TBCD: variants seen among roughly 807,000 people sequenced by gnomAD.
The protein encoded by TBCD is tubulin-specific chaperone D.
In TBCD, 105 loss-of-function variants were observed where a neutral mutation model predicts 169.3. The ratio of observed to expected loss-of-function variants is 0.62; its 90% CI spans 0.53 to 0.73. TBCD has a LOEUF of 0.73. Ranked by LOEUF, TBCD falls within the 30% of genes least tolerant of loss-of-function variation. The probability of loss-of-function intolerance (pLI) is 0.00; values close to 1 mark genes in which losing one functional copy is unlikely to be tolerated. For missense variants in TBCD, 1,444 were observed against 1,600.1 expected (o/e 0.90, Z 1.66); for synonymous variants, 700 against 643.9 (o/e 1.09, Z -1.32).
At chr17:82,752,913 G>A (rs905692473) in intron 1 of TBCD, among the ~76,000 whole-genome samples, 1 of 152,208 alleles carries the variant, frequency 6.6e-6, no homozygotes, top group African/African-American at 2.4e-5. Context: ...CAGCCTGTCC[G>A]TTCCGTGGAC....
chr17:82,935,637 C>G (rs2062561120), intron 34 of TBCD, among the ~76,000 whole-genome samples: 1 of 152,204 alleles, frequency 6.6e-6, no homozygotes, highest in South Asian at 2.1e-4. Flanking sequence ...CAGTTTTCAG[C>G]ATTTTGTCCT....
rs867277813 is a variant in TBCD, at chr17:82,820,122, C to T, written c.1318+5188C>T. On this transcript the variant is annotated intron_variant, in intron 13 of 38. Transcript: ENST00000355528. ...GCCTCCCGAGTAGCTGGGAGTCAGGCGCCCGCCACCATGCCCAGCCAATTT... is the reference window on the plus strand; with the variant it reads ...GCCTCCCGAGTAGCTGGGAGTCAGGTGCCCGCCACCATGCCCAGCCAATTT... 8.6e-5 allele frequency among the ~76,000 whole-genome samples: 13 copies of T among 151,944 alleles called. No individual in the cohort carries two copies. The Middle Eastern group carries it at 0.01, about 121-fold the overall frequency.
In TBCD at chr17:82,942,874, C is replaced by T. The variant is rs1344318686; in HGVS notation, c.*411C>T. 3.7e-6 allele frequency: 1 copy of T among 269,412 alleles called. No individual in the cohort carries two copies. Among genetic ancestry groups the T allele is most frequent in the East Asian group, 1.0e-4 (1 of 9,708 alleles). 16.7% of individuals were successfully genotyped at this position (269,412 alleles called of 1,614,324 possible). On this transcript the variant is annotated 3_prime_UTR_variant, in exon 39 of 39. Coordinates refer to ENST00000355528, the MANE Select transcript of TBCD (RefSeq NM_005993.5). ...GGAGACGTCTGGCCACAGGCAGTGCCCCACCCAGTCTTGGAGAGAGATGAA... is the reference window on the plus strand; with the variant it reads ...GGAGACGTCTGGCCACAGGCAGTGCTCCACCCAGTCTTGGAGAGAGATGAA...
At position 82,795,445 on chromosome 17, in the gene TBCD, G is replaced by C. The variant is rs938177127; in HGVS notation, c.772-2312G>C. On this transcript the variant is annotated intron_variant, in intron 7 of 38. Coordinates refer to ENST00000355528, the MANE Select transcript of TBCD (RefSeq NM_005993.5). ...CTGCACAGCTGCTCTTCTGGTTTAG[G>C]TTCTGGCCTTTCCCACTGGGGTTTT... is the stretch of plus-strand genomic sequence containing the variant. 1.2e-5 allele frequency: 9 copies of C among 741,920 alleles called. 1 individual carries two copies. In the South Asian group the frequency reaches 5.5e-4, roughly 45 times the overall value. 46.0% of individuals were successfully genotyped at this position (741,920 alleles called of 1,614,324 possible).
In TBCD at chr17:82,797,962, C is replaced by CTT. The variant is rs60671571; in HGVS notation, c.817+191_817+192dup. ...TTTGTTGTGGGTTTTAGTAACTGAACTTTTTTTTTTTTTTTTTTTTTTTTT... is the reference window on the plus strand; with the variant it reads ...TTTGTTGTGGGTTTTAGTAACTGAACTTTTTTTTTTTTTTTTTTTTTTTTTTT... On this transcript the variant is annotated intron_variant, in intron 8 of 38. Transcript: ENST00000355528. Among the ~76,000 whole-genome samples the CTT allele has an allele frequency of 9.4e-4, 46 of 49,040 alleles. 2 individuals are homozygous for CTT. The highest frequency in any genetic ancestry group is 3.3e-3 in the Admixed American group (10 of 3,054). 32.2% of individuals were successfully genotyped at this position (49,040 alleles called of 152,430 possible).
chr17:82,881,003 C>G (rs553901990), intron 14 of TBCD, among the ~76,000 whole-genome samples: 2 of 152,318 alleles, frequency 1.3e-5, no homozygotes, highest in South Asian at 4.1e-4. Context: ...GGCCTCAGGG[C>G]AGGGAGGCCA....
In TBCD at chr17:82,752,300, C is replaced by G; in HGVS notation, c.107C>G (p.Thr36Ser). The change falls in exon 1 of 39, where the codon ACC (threonine) becomes AGC (serine). Residue 36 changes from threonine to serine, a missense_variant. Transcript: ENST00000355528. ...ALEAFGESAE[T>S]RALLGRLREV... is the part of the protein sequence containing the mutation. ...GAAGCGTTCGGCGAGAGCGCGGAGACCCGGGCGCTGCTGGGCCGCCTGCGG... is the reference window on the plus strand; with the variant it reads ...GAAGCGTTCGGCGAGAGCGCGGAGAGCCGGGCGCTGCTGGGCCGCCTGCGG... 1 of 1,507,752 alleles carries G rather than the reference C, an allele frequency of 6.6e-7. No individual in the cohort carries two copies. The highest frequency in any genetic ancestry group is 2.7e-5 in the East Asian group (1 of 36,504). 93.4% of individuals were successfully genotyped at this position (1,507,752 alleles called of 1,614,324 possible).
At chr17:82,804,895 A>G (rs1294999174) in intron 9 of TBCD, among the ~76,000 whole-genome samples, 2 of 152,188 alleles carry the variant, frequency 1.3e-5, no homozygotes, top group Non-Finnish European at 2.9e-5. Flanking sequence ...TAGAGCTAGG[A>G]TGAGTCATTC....
At chr17:82,793,425 C>T (rs541458662) in intron 7 of TBCD, among the ~76,000 whole-genome samples, 1 of 152,156 alleles carries the variant, frequency 6.6e-6, no homozygotes, top group Non-Finnish European at 1.5e-5. Flanking sequence ...TTAAGATGTC[C>T]CTCGCTTTGA....
At chr17:82,838,588 C>A in intron 13 of TBCD, 1 of 929,072 alleles carries the variant, frequency 1.1e-6, no homozygotes, top group Non-Finnish European at 1.3e-6. Context: ...ACACCATTGT[C>A]GCCTACCCAC....
At chr17:82,901,677 C>T (rs902130753) in intron 18 of TBCD, among the ~76,000 whole-genome samples, 1 of 152,010 alleles carries the variant, frequency 6.6e-6, no homozygotes, top group Non-Finnish European at 1.5e-5. Flanking sequence ...GCCTGGGGAG[C>T]GGCCCGGCTG....
intron 14 of TBCD, among the ~76,000 whole-genome samples, chr17:82,870,832 A>G (rs534319730): frequency 3.2e-4 from 49 of 152,342 alleles, no homozygotes; most frequent in African/African-American, 4.3e-4. Context: ...TCTCCTTTCA[A>G]GTTCCTCTGG....
At chr17:82,854,348 A>G (rs1387486011) in intron 13 of TBCD, among the ~76,000 whole-genome samples, 9 of 152,194 alleles carry the variant, frequency 5.9e-5, no homozygotes, top group Admixed American at 5.2e-4. Context: ...TCCTTTCCAC[A>G]TAAGACCAGG....
Position 82,930,267 on chromosome 17 carries a change from A to T in TBCD, c.2992-255A>T. The T allele has an allele frequency of 2.0e-6, 1 of 498,342 alleles. No individual in the cohort carries two copies. The highest frequency in any genetic ancestry group is 2.9e-5 in the South Asian group (1 of 34,154). The allele number at this position is 498,342 out of a possible 1,614,324, so 30.9% of individuals were successfully genotyped here. ...AGGTGAGTGGCCGCAGCCTTTCGTC[A>T]CGTGCTCTCCCGCATGTCCTAAGTG... On this transcript the variant is annotated intron_variant, in intron 32 of 38. Transcript: ENST00000355528. This position sits in a 1 kb window ranked among gnomAD's most constrained non-coding sequence, Gnocchi z 5.2.
rs574763172 is a variant in TBCD at position 82,910,173 on chromosome 17, C to T, written c.2006+866C>T. ...CCTGGCTGACTACCAGGAGCAGCAT[C>T]GCAGGGTGTGGGGCACATGTGTGAC... On this transcript the variant is annotated intron_variant, in intron 22 of 38. Coordinates refer to ENST00000355528, the MANE Select transcript of TBCD (RefSeq NM_005993.5). Among the ~76,000 whole-genome samples the T allele has an allele frequency of 3.3e-5, 5 of 152,354 alleles. No homozygotes were observed. In the East Asian group the frequency reaches 7.7e-4, roughly 23 times the overall value.
intron 13 of TBCD, among the ~76,000 whole-genome samples, chr17:82,822,090 C>T (rs762228793): frequency 6.6e-6 from 1 of 152,210 alleles, no homozygotes; most frequent in Non-Finnish European, 1.5e-5. Flanking sequence ...TTAATTCCCA[C>T]CTGTGGACTG....
In TBCD at chr17:82,938,062, G is replaced by C; in HGVS notation, c.3295G>C (p.Val1099Leu). 6.2e-7 allele frequency: 1 copy of C among 1,613,192 alleles called. No individual in the cohort carries two copies. Among genetic ancestry groups the C allele is most frequent in the Non-Finnish European group, 8.5e-7 (1 of 1,179,842 alleles). ...LSGIAVFCEM[V>L]QFPGDVRRQA... ...TGCTCCCGGCAGGTTCTGCGAGATG[G>C]TGCAGTTCCCCGGCGACGTGAGGAG... Residue 1099 changes from valine to leucine, a missense_variant, in exon 36 of 39, where the codon GTG (valine) becomes CTG (leucine). Val to Leu is a conservative substitution (Grantham distance 32, BLOSUM62 1). Coordinates refer to ENST00000355528, the MANE Select transcript of TBCD (RefSeq NM_005993.5).
chr17:82,821,425 A>G (rs2052404140), intron 13 of TBCD, among the ~76,000 whole-genome samples: 2 of 152,208 alleles, frequency 1.3e-5, no homozygotes, highest in South Asian at 2.1e-4. Context: ...AAAAGGAAGA[A>G]ATCTTTGCAT....
intron 12 of TBCD, among the ~76,000 whole-genome samples, chr17:82,813,358 C>T (rs2051603564): frequency 6.6e-6 from 1 of 152,108 alleles, no homozygotes; most frequent in African/African-American, 2.4e-5. Context: ...CTGAGACCCC[C>T]CCTGTGCTTC....
Sources: allele counts gnomAD v4.1 joint callset (sites outside exome capture counted in the v4.1 genomes callset), GRCh38; gene constraint gnomAD v4.1.1; non-coding constraint Gnocchi (gnomAD v3.1); transcripts MANE v1.5; gene names NCBI Gene and HGNC (gene_info 2026-07-23, HGNC 2026-07-21).